Variants in EEA1 observed in about 807,000 individuals in gnomAD.
EEA1 encodes early endosome antigen 1, 162kD.
In EEA1, 111 loss-of-function variants were observed where a neutral mutation model predicts 209.2. The observed-to-expected ratio is 0.53, with a 90% CI of 0.45 to 0.62. The LOEUF is 0.62. Among genes scored for constraint, EEA1 ranks in the 20% least tolerant of loss-of-function variants. The pLI is 0.00. For missense variants in EEA1, 1,343 were observed against 1,530.8 expected (o/e 0.88, Z 2.05); for synonymous variants, 536 against 540.6 (o/e 0.99, Z 0.12).
intron 1 of EEA1, among the ~76,000 whole-genome samples, chr12:92,913,184 T>C (rs1880640190): frequency 6.6e-6 from 1 of 152,236 alleles, no homozygotes; most frequent in Non-Finnish European, 1.5e-5. Flanking sequence ...TTCCCTTTTC[T>C]CCACATCCTC....
At chr12:92,785,329 T>A (rs1874083597) in intron 22 of EEA1, among the ~76,000 whole-genome samples, 1 of 152,102 alleles carries the variant, frequency 6.6e-6, no homozygotes, top group South Asian at 2.1e-4. Flanking sequence ...ATTCTACTGG[T>A]GTCTAGGTAT....
At chr12:92,883,135 C>T (rs1592755506) in intron 2 of EEA1, among the ~76,000 whole-genome samples, 1 of 152,058 alleles carries the variant, frequency 6.6e-6, no homozygotes, top group Non-Finnish European at 1.5e-5. Flanking sequence ...TATCTCATTG[C>T]GGTTTTGATT....
chr12:92,861,408 T>C (rs1481437457), intron 3 of EEA1, among the ~76,000 whole-genome samples: 3 of 152,196 alleles, frequency 2.0e-5, no homozygotes, highest in South Asian at 2.1e-4. Flanking sequence ...TGAGCCGAGA[T>C]TGTGCCATTG....
intron 11 of EEA1, among the ~76,000 whole-genome samples, chr12:92,828,430 T>C (rs184655770): frequency 2.0e-5 from 3 of 152,076 alleles, no homozygotes; most frequent in Non-Finnish European, 2.9e-5. Flanking sequence ...TATTTTACAG[T>C]ATTGTTTAAA....
intron 22 of EEA1, among the ~76,000 whole-genome samples, chr12:92,784,457 G>A (rs1322447078): frequency 6.6e-6 from 1 of 152,144 alleles, no homozygotes; most frequent in Non-Finnish European, 1.5e-5. Context: ...AGTTAATAGA[G>A]ATCCTGATCT....
intron 28 of EEA1, 100 bp downstream of exon 28, chr12:92,776,744 A>C (rs939116357): frequency 3.6e-6 from 4 of 1,121,814 alleles, no homozygotes; most frequent in Non-Finnish European, 5.3e-6. Context: ...ATAAACAGAA[A>C]ATTATTCTGT....
chr12:92,891,130 A>G (rs1879640375), intron 2 of EEA1, among the ~76,000 whole-genome samples: 1 of 152,028 alleles, frequency 6.6e-6, no homozygotes, highest in Admixed American at 6.6e-5. Flanking sequence ...CTGACTTTTC[A>G]AATTTTTGGA....
intron 1 of EEA1, among the ~76,000 whole-genome samples, chr12:92,899,725 G>A (rs1880072336): frequency 6.6e-6 from 1 of 152,234 alleles, no homozygotes; most frequent in Admixed American, 6.5e-5. Context: ...AATTAGGGGA[G>A]AGGGTGCAGT....
At position 92,771,980 on chromosome 12, in the gene EEA1, G is replaced by A. The variant is rs1272628389; in HGVS notation, c.*4031C>T. The A allele has an allele frequency of 6.6e-6, 1 of 151,870 alleles. No homozygotes were observed. The highest frequency in any genetic ancestry group is 1.5e-5 in the Non-Finnish European group (1 of 67,860). The allele number at this position is 151,870 out of a possible 1,614,324, so 9.4% of individuals were successfully genotyped here. A position where few individuals can be genotyped will look rare whatever the true frequency, so the allele number is the denominator to read the frequency against. On this transcript the variant is annotated 3_prime_UTR_variant, in exon 29 of 29. Transcript: ENST00000322349. ...ATGTCTAATATACAATATATTAGAT[G>A]TTTGAGGATATGCACATTAAACTCT...
chr12:92,844,090 C>T (rs1877292810), intron 9 of EEA1, among the ~76,000 whole-genome samples: 1 of 151,962 alleles, frequency 6.6e-6, no homozygotes, highest in Non-Finnish European at 1.5e-5. Context: ...AACACTTGGG[C>T]TTATTTTATT....
At chr12:92,885,919 G>A (rs1879361689) in intron 2 of EEA1, among the ~76,000 whole-genome samples, 1 of 152,046 alleles carries the variant, frequency 6.6e-6, no homozygotes, top group African/African-American at 2.4e-5. Flanking sequence ...AGCCCACAAA[G>A]AGTTTCCACT....
intron 3 of EEA1, chr12:92,858,284 A>G (rs1468059351): frequency 2.6e-5 from 19 of 738,396 alleles, no homozygotes; most frequent in Non-Finnish European, 4.6e-5. Flanking sequence ...TCCTTCTTGC[A>G]CGTGAAATTA....
intron 18 of EEA1, among the ~76,000 whole-genome samples, chr12:92,805,586 A>G (rs893396569): frequency 6.6e-6 from 1 of 152,222 alleles, no homozygotes; most frequent in African/African-American, 2.4e-5. Flanking sequence ...AACCAGTTAT[A>G]TGAAGACATT....
rs536353913 is a variant in EEA1, at chr12:92,869,327, A to G, written c.118-4340T>C. Among the ~76,000 whole-genome samples the G allele has an allele frequency of 3.9e-5, 6 of 152,350 alleles. No individual in the cohort carries two copies. In the East Asian group the frequency reaches 1.2e-3, roughly 29 times the overall value. On this transcript the variant is annotated intron_variant, in intron 2 of 28. Coordinates refer to ENST00000322349, the MANE Select transcript of EEA1 (RefSeq NM_003566.4). The stretch of plus-strand genomic sequence containing the variant: ...ACACAATTTACTTAAGATTTAAAAC[A>G]ATATATTCAATACTTCCAGAGTTTG...
chr12:92,798,231 T>G (rs35023708), intron 21 of EEA1, among the ~76,000 whole-genome samples: 1 of 151,982 alleles, frequency 6.6e-6, no homozygotes, highest in Non-Finnish European at 1.5e-5. Flanking sequence ...TATCCCACTT[T>G]GTAATTTTTA....
intron 21 of EEA1, among the ~76,000 whole-genome samples, chr12:92,790,987 C>G (rs946281851): frequency 6.6e-6 from 1 of 152,114 alleles, no homozygotes; most frequent in Non-Finnish European, 1.5e-5. Context: ...TTAAAGAAAA[C>G]AATTTTCAAC....
chr12:92,834,196 T>C (rs561629377), intron 10 of EEA1, among the ~76,000 whole-genome samples: 3 of 152,144 alleles, frequency 2.0e-5, no homozygotes, highest in Admixed American at 2.0e-4. Context: ...CTAATGTTAC[T>C]TATCAAACAG....
At chr12:92,883,957 C>A in intron 2 of EEA1, 1 of 1,460,746 alleles carries the variant, frequency 6.8e-7, no homozygotes, top group Non-Finnish European at 9.5e-7. Flanking sequence ...GTTCATCACA[C>A]ATGCCACTGT....
chr12:92,924,775 T>G (rs1366643028), intron 1 of EEA1, among the ~76,000 whole-genome samples: 1 of 150,690 alleles, frequency 6.6e-6, no homozygotes, highest in Non-Finnish European at 1.5e-5. Flanking sequence ...TCTTAACGTC[T>G]TCTTTATTCT....
Sources: gnomAD v4.1 joint callset for allele counts (sites outside exome capture counted in the v4.1 genomes callset) on GRCh38, gnomAD v4.1.1 for gene constraint, MANE v1.5 for transcripts, NCBI Gene and HGNC (gene_info 2026-07-23, HGNC 2026-07-21) for gene names.